The following PDSS2 variants were observed in gnomAD, a reference collection of about 807,000 sequenced individuals.
PDSS2 encodes decaprenyl diphosphate synthase subunit 2, also known as all trans-polyprenyl-diphosphate synthase PDSS2.
In PDSS2, 31 loss-of-function variants were observed where a neutral mutation model predicts 44.5. The ratio of observed to expected loss-of-function variants is 0.70; its 90% confidence interval spans 0.52 to 0.94. The LOEUF is 0.94. Among genes scored for constraint, PDSS2 ranks in the 40% least tolerant of loss-of-function variants. PDSS2 has a pLI of 0.00. For synonymous variants in PDSS2, 157 were observed against 180.3 expected (o/e 0.87, Z 1.03); for missense variants, 452 against 482.2 (o/e 0.94, Z 0.59).
Position 107,206,155 on chromosome 6 carries a change from T to C in PDSS2, c.1008+4284A>G, listed in dbSNP as rs181318153. Among the ~76,000 whole-genome samples the C allele has an allele frequency of 4.0e-3, 609 of 152,306 alleles. 6 individuals are homozygous for C. The highest frequency in any genetic ancestry group is 4.9e-3 in the Non-Finnish European group (331 of 68,028). On this transcript the variant is annotated intron_variant, in intron 6 of 7. Transcript: ENST00000369037. ...GGTGCGATCTTGGCTCACTGCAACC[T>C]CTGCCTCCTGGGCTCAAGTGATTCT...
intron 7 of PDSS2, among the ~76,000 whole-genome samples, chr6:107,157,937 C>T (rs1481570382): frequency 2.6e-5 from 4 of 152,060 alleles, no homozygotes; most frequent in African/African-American, 9.7e-5. Context: ...TCCCAAAGTG[C>T]TGGGATTACA....
chr6:107,286,136 T>TAAATTAA (rs568159749), intron 2 of PDSS2, among the ~76,000 whole-genome samples: 2 of 128,744 alleles, frequency 1.6e-5, no homozygotes, highest in African/African-American at 6.2e-5. Context: ...CGTCGCAAAA[T>TAAATTAA]AAAAAAAAAA....
chr6:107,407,387 C>G lies in PDSS2; in HGVS notation c.296+51603G>C, dbSNP rs868435269. On this transcript the variant is annotated intron_variant, in intron 1 of 7. Transcript: ENST00000369037. ...ATAGTTGCAAAACAATGTGAATGTA[C>G]TTAATGCCAGTGAACCATACATATA... 2.0e-5 allele frequency among the ~76,000 whole-genome samples: 3 copies of G among 152,122 alleles called. No individual in the cohort carries two copies. In the South Asian group the frequency reaches 6.2e-4, roughly 32 times the overall value.
chr6:107,399,691 C>T lies in PDSS2; in HGVS notation c.296+59299G>A, dbSNP rs572840131. On this transcript the variant is annotated intron_variant, in intron 1 of 7. Transcript: ENST00000369037. ...TTACTGTTAGAATGTTTTTGTTTTTCCTTTTATGAAAAAATGATAATAGAT... is the reference window on the plus strand; with the variant it reads ...TTACTGTTAGAATGTTTTTGTTTTTTCTTTTATGAAAAAATGATAATAGAT... 2.0e-5 allele frequency among the ~76,000 whole-genome samples: 3 copies of T among 151,938 alleles called. No individual in the cohort carries two copies. In the East Asian group the frequency reaches 5.8e-4, roughly 29 times the overall value.
At chr6:107,160,831 C>T (rs542755084) in intron 7 of PDSS2, among the ~76,000 whole-genome samples, 2 of 152,156 alleles carry the variant, frequency 1.3e-5, no homozygotes, top group African/African-American at 2.4e-5. Context: ...ACCTGTGCCT[C>T]CCAAGTTCAA....
At chr6:107,261,387 G>A (rs752412034) in intron 3 of PDSS2, among the ~76,000 whole-genome samples, 7 of 152,074 alleles carry the variant, frequency 4.6e-5, no homozygotes, top group Non-Finnish European at 1.0e-4. Flanking sequence ...CCTCCTTCCC[G>A]TTGCTCCTGC....
chr6:107,192,449 G>C, intron 7 of PDSS2: 2 of 466,466 alleles, frequency 4.3e-6, no homozygotes, highest in Non-Finnish European at 8.5e-6. Flanking sequence ...TAACTGGGGA[G>C]AAAAGACCTG....
At chr6:107,329,219 A>T (rs1777639606) in intron 2 of PDSS2, among the ~76,000 whole-genome samples, 2 of 152,236 alleles carry the variant, frequency 1.3e-5, no homozygotes, top group Non-Finnish European at 2.9e-5. Context: ...TTACTATGCC[A>T]TGCAGTATTC....
chr6:107,249,523 A>C (rs1485634335), intron 3 of PDSS2, among the ~76,000 whole-genome samples: 1 of 152,158 alleles, frequency 6.6e-6, no homozygotes, highest in East Asian at 1.9e-4. Context: ...GAGCAATTAA[A>C]CAGGACATAA....
At position 107,287,823 on chromosome 6, in the gene PDSS2, A is replaced by G. The variant is rs1582895791; in HGVS notation, c.432-13596T>C. ...GGCGTGAGCCACTGTGCCTGGCCCA[A>G]ATTTTTATTGTATTTTAAAATTAGA... is the stretch of plus-strand genomic sequence containing the variant. On this transcript the variant is annotated intron_variant, in intron 2 of 7. Coordinates refer to ENST00000369037, the MANE Select transcript of PDSS2 (RefSeq NM_020381.4). Among the ~76,000 whole-genome samples the G allele has an allele frequency of 2.6e-5, 4 of 152,016 alleles. No homozygotes were observed. In the South Asian group the frequency reaches 8.3e-4, roughly 32 times the overall value.
chr6:107,455,754 CAAAAAAAAAAAAAAAA>C (rs60783838), intron 1 of PDSS2, among the ~76,000 whole-genome samples: 6 of 55,684 alleles, frequency 1.1e-4, no homozygotes, highest in East Asian at 5.9e-4. Context: ...GACTCTGTCT[CAAAAAAAAAAAAAAAA>C]AAAAAAAAAA....
intron 1 of PDSS2, among the ~76,000 whole-genome samples, chr6:107,449,696 A>C (rs1157691683): frequency 6.6e-6 from 1 of 152,156 alleles, no homozygotes; most frequent in East Asian, 1.9e-4. Flanking sequence ...CCTCTAGAGC[A>C]GCTGTCTAGC....
At chr6:107,336,124 A>C (rs1434929034) in intron 1 of PDSS2, among the ~76,000 whole-genome samples, 1 of 151,880 alleles carries the variant, frequency 6.6e-6, no homozygotes, top group African/African-American at 2.4e-5. Flanking sequence ...GCGTGGTGGC[A>C]GGTACCTGTA....
intron 7 of PDSS2, among the ~76,000 whole-genome samples, chr6:107,191,076 C>A (rs9320206): frequency 1 from 151,728 of 152,182 alleles, 75,638 homozygotes; most frequent in Middle Eastern, 1. Context: ...TATTTTTAGT[C>A]GAGACGGGGT....
chr6:107,411,043 C>A (rs898418571), intron 1 of PDSS2, among the ~76,000 whole-genome samples: 9 of 152,046 alleles, frequency 5.9e-5, no homozygotes, highest in Admixed American at 3.9e-4. Context: ...TGCTACCATG[C>A]CTGGCTAATT....
chr6:107,220,435 T>C (rs982493110), intron 4 of PDSS2, among the ~76,000 whole-genome samples: 2 of 152,180 alleles, frequency 1.3e-5, no homozygotes, highest in East Asian at 3.9e-4. Context: ...GCAATATAGA[T>C]ATGAAGATTA....
chr6:107,325,077 C>CT (rs1344846145), intron 2 of PDSS2, among the ~76,000 whole-genome samples: 2 of 152,096 alleles, frequency 1.3e-5, no homozygotes, highest in Non-Finnish European at 2.9e-5. Context: ...TCTTTCACAG[C>CT]TTTTTATATT....
intron 2 of PDSS2, among the ~76,000 whole-genome samples, chr6:107,311,595 T>C (rs753874013): frequency 3.9e-5 from 6 of 152,186 alleles, no homozygotes; most frequent in Non-Finnish European, 7.3e-5. Context: ...AGATACAGTG[T>C]AGTCCTTGAA....
intron 2 of PDSS2, among the ~76,000 whole-genome samples, chr6:107,283,598 T>G (rs887076940): frequency 1.3e-5 from 2 of 151,132 alleles, no homozygotes; most frequent in African/African-American, 4.9e-5. Context: ...TGCACATCTG[T>G]GATTCCAGCT....
Sources: gnomAD v4.1 joint callset for allele counts (sites outside exome capture counted in the v4.1 genomes callset) on GRCh38, gnomAD v4.1.1 for gene constraint, MANE v1.5 for transcripts, NCBI Gene and HGNC (gene_info 2026-07-23, HGNC 2026-07-21) for gene names.